PHLPP1: variants seen among roughly 807,000 people sequenced by gnomAD.
The protein encoded by PHLPP1 is PH domain leucine-rich repeat-containing protein phosphatase 1.
In PHLPP1, 42 loss-of-function variants were observed where a neutral mutation model predicts 117.2. The observed-to-expected ratio is 0.36, with a 90% CI of 0.28 to 0.46. PHLPP1 has a LOEUF of 0.46. Among genes scored for constraint, PHLPP1 ranks in the 20% least tolerant of loss-of-function variants. PHLPP1 has a pLI of 1.00. For synonymous variants in PHLPP1, 1,042 were observed against 970.7 expected, an observed-to-expected ratio of 1.07 and a Z score of -1.37; for missense variants, 2,084 against 2,241.9, an observed-to-expected ratio of 0.93 and a Z score of 1.42.
chr18:62,857,403 T>C (rs1411080778), intron 3 of PHLPP1, among the ~76,000 whole-genome samples: 3 of 152,210 alleles, frequency 2.0e-5, no homozygotes, highest in Non-Finnish European at 4.4e-5. Context: ...GCTGGTTCTC[T>C]TTCTTTCCTG....
chr18:62,829,284 A>G (rs1042351946), intron 1 of PHLPP1, among the ~76,000 whole-genome samples: 2 of 152,164 alleles, frequency 1.3e-5, no homozygotes, highest in Non-Finnish European at 2.9e-5. Flanking sequence ...TAGGAGGAAA[A>G]ACTCTGCAGT....
intron 1 of PHLPP1, among the ~76,000 whole-genome samples, chr18:62,742,208 A>G (rs1428185223): frequency 1.3e-5 from 2 of 152,218 alleles, no homozygotes; most frequent in South Asian, 4.1e-4. Context: ...GAGAAAAGGA[A>G]GATAAAAGTA....
intron 1 of PHLPP1, among the ~76,000 whole-genome samples, chr18:62,732,736 A>G (rs953223529): frequency 6.6e-6 from 1 of 152,244 alleles, no homozygotes; most frequent in African/African-American, 2.4e-5. Flanking sequence ...TCCGGATGCC[A>G]TTAAGAACAT....
chr18:62,873,576 T>C (rs1915963950), intron 4 of PHLPP1, among the ~76,000 whole-genome samples: 1 of 152,188 alleles, frequency 6.6e-6, no homozygotes, highest in Admixed American at 6.5e-5. Flanking sequence ...TGTAAGTAAA[T>C]TGGTATAGAG....
At chr18:62,893,645 G>A (rs555124012) in intron 4 of PHLPP1, among the ~76,000 whole-genome samples, 52 of 152,286 alleles carry the variant, frequency 3.4e-4, no homozygotes, top group African/African-American at 1.2e-3. Context: ...GAGTGTGTGT[G>A]TCTCTTCTAG....
intron 1 of PHLPP1, among the ~76,000 whole-genome samples, chr18:62,730,175 C>T (rs750149077): frequency 6.6e-6 from 1 of 152,184 alleles, no homozygotes; most frequent in Non-Finnish European, 1.5e-5. Flanking sequence ...TCAGTTTGGG[C>T]ACATCAGCAT....
At chr18:62,870,320 C>A (rs1376899461) in intron 4 of PHLPP1, among the ~76,000 whole-genome samples, 1 of 151,936 alleles carries the variant, frequency 6.6e-6, no homozygotes, top group African/African-American at 2.4e-5. Context: ...GCATATATAC[C>A]CCCCTCTTAT....
At chr18:62,764,260 A>G (rs1036693054) in intron 1 of PHLPP1, among the ~76,000 whole-genome samples, 2 of 151,886 alleles carry the variant, frequency 1.3e-5, no homozygotes, top group African/African-American at 4.8e-5. Flanking sequence ...CTGTTTTCTT[A>G]TACCTCTGTT....
chr18:62,763,705 A>G (rs1015355019), intron 1 of PHLPP1, among the ~76,000 whole-genome samples: 14 of 152,060 alleles, frequency 9.2e-5, no homozygotes, highest in African/African-American at 2.7e-4. Context: ...ACACTATGCT[A>G]TTCTCTACTG....
chr18:62,733,452 A>C (rs190308557), intron 1 of PHLPP1, among the ~76,000 whole-genome samples: 275 of 152,346 alleles, frequency 1.8e-3, no homozygotes, highest in African/African-American at 6.4e-3. Context: ...AAACCAAAAA[A>C]TTCATGTGAC....
intron 3 of PHLPP1, among the ~76,000 whole-genome samples, chr18:62,846,625 T>G (rs1915189723): frequency 6.6e-6 from 1 of 152,124 alleles, no homozygotes; most frequent in Non-Finnish European, 1.5e-5. Flanking sequence ...TGTAGAAATA[T>G]GACTGTAAGT....
chr18:62,915,083 C>A, intron 9 of PHLPP1, 75 bp downstream of exon 9: 1 of 1,054,404 alleles, frequency 9.5e-7, no homozygotes, highest in South Asian at 1.4e-5. Context: ...CAGTGTTTAA[C>A]TTGGTATCAT....
At chr18:62,977,551 A>G (rs1911227380) in intron 16 of PHLPP1, among the ~76,000 whole-genome samples, 1 of 151,816 alleles carries the variant, frequency 6.6e-6, no homozygotes, top group South Asian at 2.1e-4. Context: ...TGCCTTCTCC[A>G]TTGGTCAACA....
intron 1 of PHLPP1, among the ~76,000 whole-genome samples, chr18:62,766,076 A>AAAAAAAAATATATATATAT: frequency 1.8e-4 from 4 of 21,650 alleles, no homozygotes; most frequent in African/African-American, 3.0e-4. Flanking sequence ...AAAAAAAAAA[A>AAAAAAAAATATATATATAT]ATATATATAT....
Position 62,741,808 on chromosome 18 carries a change from T to A in PHLPP1, c.1576+24549T>A, listed in dbSNP as rs138174128. Among the ~76,000 whole-genome samples, 75 of 151,068 alleles carry A rather than the reference T, an allele frequency of 5.0e-4. 1 individual carries two copies. The highest frequency in any genetic ancestry group is 4.5e-3 in the Admixed American group (68 of 15,116). On this transcript the variant is annotated intron_variant, in intron 1 of 16. Coordinates refer to ENST00000262719, the MANE Select transcript of PHLPP1 (RefSeq NM_194449.4). ...AAGAGCATTGCAAATAGGGAAACAG[T>A]GTGTTTGAAAGCCCTGAGGTAGGAA...
At chr18:62,851,296 ATTTTG>A (rs895956846) in intron 3 of PHLPP1, among the ~76,000 whole-genome samples, 25 of 151,658 alleles carry the variant, frequency 1.6e-4, no homozygotes, top group Non-Finnish European at 8.8e-5. Flanking sequence ...TGAGCCAGGG[ATTTTG>A]TTTTGTTTTG....
intron 1 of PHLPP1, among the ~76,000 whole-genome samples, chr18:62,752,147 G>A (rs1392596304): frequency 6.6e-6 from 1 of 152,150 alleles, no homozygotes; most frequent in Non-Finnish European, 1.5e-5. Context: ...GCATGAACAT[G>A]CCTCCCTGCA....
chr18:62,912,415 C>T (rs1228501173), intron 8 of PHLPP1, among the ~76,000 whole-genome samples: 2 of 151,026 alleles, frequency 1.3e-5, no homozygotes, highest in South Asian at 2.1e-4. Flanking sequence ...AGTAGTGCTT[C>T]ATGCATTTCC....
chr18:62,760,106 T>C (rs1012818207), intron 1 of PHLPP1, among the ~76,000 whole-genome samples: 2 of 152,222 alleles, frequency 1.3e-5, no homozygotes, highest in Non-Finnish European at 2.9e-5. Flanking sequence ...TGGATACTAG[T>C]GGTCTACAGA....
Sources: allele counts gnomAD v4.1 joint callset (sites outside exome capture counted in the v4.1 genomes callset), GRCh38; gene constraint gnomAD v4.1.1; transcripts MANE v1.5; gene names NCBI Gene and HGNC (gene_info 2026-07-23, HGNC 2026-07-21).